The following BST1 variants were observed in gnomAD, a reference collection of about 807,000 sequenced individuals.
BST1 encodes bone marrow stromal cell antigen 1.
Under a neutral mutation model 40.6 loss-of-function variants are expected in BST1, and 49 were observed. The ratio of observed to expected loss-of-function variants is 1.21; its 90% CI spans 0.96 to 1.53. BST1 has a LOEUF of 1.53. Among genes scored for constraint, BST1 ranks in the 40% most tolerant of loss-of-function variants. BST1 has a pLI of 0.00. For missense variants in BST1, 423 were observed against 395.9 expected (o/e 1.07, Z -0.58); for synonymous variants, 157 against 159.3 (o/e 0.99, Z 0.11).
At chr4:15,745,830 C>G in the BST1 span, among the ~76,000 whole-genome samples, 1 of 152,212 alleles carries the variant, frequency 6.6e-6, no homozygotes, top group East Asian at 1.9e-4. Context: ...CTCCCACCCT[C>G]TGGCCTGCAT....
intron 8 of BST1, among the ~76,000 whole-genome samples, chr4:15,727,121 G>A (rs1170022192): frequency 6.6e-6 from 1 of 152,170 alleles, no homozygotes; most frequent in African/African-American, 2.4e-5. Flanking sequence ...CATCAATGAT[G>A]CTGAGGTTCA....
chr4:15,726,214 C>T (rs1401954356), intron 8 of BST1, among the ~76,000 whole-genome samples: 3 of 150,628 alleles, frequency 2.0e-5, no homozygotes, highest in African/African-American at 7.4e-5. Context: ...TAGCGCCTCC[C>T]ACCTGTCAGA....
At chr4:15,703,752 GTGTGTGTGTGTGTTCTAAAGGTGAGA>G (rs1366704949) in intron 1 of BST1, among the ~76,000 whole-genome samples, 202 of 146,530 alleles carry the variant, frequency 1.4e-3, no homozygotes, top group Non-Finnish European at 2.6e-3. Flanking sequence ...GAGGTGAGGG[GTGTGTGTGTGTGTTCTAAAGGTGAGA>G]TGTGTGTGTG....
the BST1 span, among the ~76,000 whole-genome samples, chr4:15,769,758 A>T: frequency 6.6e-6 from 1 of 152,220 alleles, no homozygotes; most frequent in African/African-American, 2.4e-5. Context: ...AAAAAAGGCA[A>T]GATACTACCA....
chr4:15,763,129 GT>G, the BST1 span, among the ~76,000 whole-genome samples: 3 of 151,884 alleles, frequency 2.0e-5, no homozygotes, highest in African/African-American at 7.3e-5. Context: ...GGCTCTTGAT[GT>G]TTTTGACAAT....
chr4:15,747,544 T>C, the BST1 span, among the ~76,000 whole-genome samples: 146,997 of 152,302 alleles, frequency 0.97, 70,963 homozygotes, highest in East Asian at 1. Flanking sequence ...TAATGAAGAC[T>C]GTCTTCTTGG....
At chr4:15,725,356 C>T (rs1246729858) in intron 8 of BST1, among the ~76,000 whole-genome samples, 2 of 152,168 alleles carry the variant, frequency 1.3e-5, no homozygotes, top group Admixed American at 6.5e-5. Flanking sequence ...TAGGAGCCAA[C>T]ATCCCAGGGT....
At chr4:15,720,524 G>A (rs1720750188) in intron 7 of BST1, among the ~76,000 whole-genome samples, 1 of 151,812 alleles carries the variant, frequency 6.6e-6, no homozygotes, top group South Asian at 2.1e-4. Flanking sequence ...GGCTGAGGCA[G>A]GAGAATCACT....
downstream of BST1, chr4:15,736,197 C>G: frequency 2.5e-6 from 3 of 1,178,954 alleles, no homozygotes; most frequent in Non-Finnish European, 3.4e-6. Flanking sequence ...CTTGGTTTCT[C>G]CTTCAGCCTA....
chr4:15,773,263 T>C, the BST1 span, among the ~76,000 whole-genome samples: 4 of 152,376 alleles, frequency 2.6e-5, no homozygotes, highest in South Asian at 6.2e-4. Context: ...AGTCAAAGAC[T>C]GGGAAAATTC....
At chr4:15,736,196 T>G, downstream of BST1, 1 of 1,180,052 alleles carries the variant, frequency 8.5e-7, no homozygotes. Flanking sequence ...GCTTGGTTTC[T>G]CCTTCAGCCT....
chr4:15,740,072 G>T (rs995818668), downstream of BST1, among the ~76,000 whole-genome samples: 8 of 152,074 alleles, frequency 5.3e-5, no homozygotes, highest in African/African-American at 1.7e-4. Flanking sequence ...GGGGGCAGGG[G>T]GGACTGAATC....
intron 8 of BST1, chr4:15,723,485 T>G (rs1402496407): frequency 1.1e-6 from 1 of 869,598 alleles, no homozygotes; most frequent in Non-Finnish European, 1.4e-6. Flanking sequence ...CCTGGCCTTG[T>G]GATCCGCCTT....
the BST1 span, among the ~76,000 whole-genome samples, chr4:15,758,849 C>T: frequency 6.7e-6 from 1 of 150,300 alleles, no homozygotes; most frequent in African/African-American, 2.5e-5. Flanking sequence ...GGCGTCAATG[C>T]CTACCTATTT....
the BST1 span, among the ~76,000 whole-genome samples, chr4:15,751,316 C>A: frequency 3.9e-5 from 6 of 152,228 alleles, no homozygotes; most frequent in Non-Finnish European, 8.8e-5. Context: ...TGAAAAAAAT[C>A]TCGGGGAACA....
At chr4:15,768,515 C>T in the BST1 span, among the ~76,000 whole-genome samples, 1 of 120,862 alleles carries the variant, frequency 8.3e-6, no homozygotes. Flanking sequence ...GAGACGGAGT[C>T]TCACTCTGTC....
chr4:15,718,622 G>C (rs1190574868), intron 6 of BST1, among the ~76,000 whole-genome samples: 1 of 152,224 alleles, frequency 6.6e-6, no homozygotes, highest in East Asian at 1.9e-4. Context: ...TCTGGGGACA[G>C]ACTGCACAGG....
chr4:15,711,983 C>A, intron 4 of BST1, 94 bp downstream of exon 4: 1 of 1,030,994 alleles, frequency 9.7e-7, no homozygotes, highest in South Asian at 1.3e-5. Context: ...GGTCATCACT[C>A]AACTTCTCTG....
At chr4:15,748,498 T>A in the BST1 span, among the ~76,000 whole-genome samples, 3 of 152,050 alleles carry the variant, frequency 2.0e-5, no homozygotes, top group Admixed American at 2.0e-4. Context: ...GGCAAAGATG[T>A]CCCCATCCCA....
Sources: allele counts gnomAD v4.1 joint callset (sites outside exome capture counted in the v4.1 genomes callset), GRCh38; gene constraint gnomAD v4.1.1; transcripts MANE v1.5; gene names NCBI Gene and HGNC (gene_info 2026-07-23, HGNC 2026-07-21).